The following VCPIP1 variants were observed in gnomAD, a reference collection of about 807,000 sequenced individuals.
VCPIP1 encodes deubiquitinating protein VCPIP1.
In VCPIP1, 8 loss-of-function variants were observed where a neutral mutation model predicts 85.0. The observed-to-expected ratio is 0.09, with a 90% CI of 0.06 to 0.17. The LOEUF (loss-of-function observed/expected upper bound fraction) is 0.17, where lower values mean the gene tolerates loss of function less well. Ranked by LOEUF, VCPIP1 falls within the 10% of genes least tolerant of loss-of-function variation. VCPIP1 has a pLI of 1.00. For missense variants in VCPIP1, 1,070 were observed against 1,486.3 expected (o/e 0.72, Z 4.61); for synonymous variants, 543 against 544.5 (o/e 1.00, Z 0.04).
rs139701227 is a variant in VCPIP1 at position 66,641,041 on chromosome 8, G to A, written c.2798-5669C>T. ...GCCCTCTGGGGCCCTGGGGGCCACA[G>A]GTACCCCCCTAGATGCTGCTGCAGG... On this transcript the variant is annotated intron_variant, in intron 2 of 2. Coordinates refer to ENST00000310421, the MANE Select transcript of VCPIP1 (RefSeq NM_025054.5). Among the ~76,000 whole-genome samples the A allele has an allele frequency of 2.7e-3, 415 of 152,344 alleles. 1 individual carries two copies. The highest frequency in any genetic ancestry group is 4.4e-3 in the Non-Finnish European group (296 of 68,028).
In VCPIP1 at chr8:66,666,738, C is replaced by T; in HGVS notation, c.221G>A (p.Gly74Asp). Residue 74 changes from glycine to aspartate, a missense_variant, in exon 1 of 3, where the codon GGC becomes GAC. By Grantham distance (94) the Gly-to-Asp change is moderately conservative (BLOSUM62 -1). This residue lies in a region of VCPIP1 where 164 missense variants were observed against 158.6 expected (regional missense o/e 1.03). Transcript: ENST00000310421. This position sits in a 1 kb window ranked among gnomAD's most constrained non-coding sequence, Gnocchi z 6.3. Reference sequence around the variant, plus strand: ...CAGCTGTTGCTGCTCGTGCCGCTGGCCGCACTCGGTACACTCGATGCTGAC... The same window carrying T: ...CAGCTGTTGCTGCTCGTGCCGCTGGTCGCACTCGGTACACTCGATGCTGAC... ...GSVSIECTECGQRHEQQQLLG... is the reference protein window; with the variant it reads ...GSVSIECTECDQRHEQQQLLG... 6.2e-7 allele frequency: 1 copy of T among 1,614,030 alleles called. No homozygotes were observed. The highest frequency in any genetic ancestry group is 2.2e-5 in the East Asian group (1 of 44,860).
Position 66,637,530 on chromosome 8 carries a change from T to G in VCPIP1, c.2798-2158A>C, listed in dbSNP as rs187818840. Among the ~76,000 whole-genome samples, 3 of 146,566 alleles carry G rather than the reference T, an allele frequency of 2.0e-5. No individual in the cohort carries two copies. The Admixed American group carries it at 2.1e-4, about 10-fold the overall frequency. ...TATACTTTAAATACAACACAAATAC[T>G]GTTGTGATACTTCTAAGCATAATTG... On this transcript the variant is annotated intron_variant, in intron 2 of 2. Coordinates refer to ENST00000310421, the MANE Select transcript of VCPIP1 (RefSeq NM_025054.5).
rs766485385 is a variant in VCPIP1 at position 66,628,730 on chromosome 8, A to T, written c.*5771T>A. On this transcript the variant is annotated 3_prime_UTR_variant, in exon 3 of 3. Transcript: ENST00000310421. ...TGGGATAACTGTAGCCAACACCTAA[A>T]GGAAAGGTAATTATGTTTTAGTTTA... The T allele has an allele frequency of 6.6e-6, 1 of 152,262 alleles. No individual in the cohort carries two copies. Among genetic ancestry groups the T allele is most frequent in the South Asian group, 2.1e-4 (1 of 4,838 alleles). The allele number at this position is 152,262 out of a possible 1,614,324, so 9.4% of individuals were successfully genotyped here.
intron 2 of VCPIP1, among the ~76,000 whole-genome samples, chr8:66,638,727 C>T (rs1296088230): frequency 2.0e-5 from 3 of 151,122 alleles, no homozygotes; most frequent in African/African-American, 4.9e-5. Flanking sequence ...TGCAGTGAGC[C>T]GAGATCACGC....
In VCPIP1 at chr8:66,667,230, A is replaced by G. The variant is rs951401263; in HGVS notation, c.-272T>C. On this transcript the variant is annotated 5_prime_UTR_variant, in exon 1 of 3. Coordinates refer to ENST00000310421, the MANE Select transcript of VCPIP1 (RefSeq NM_025054.5). ...CACTCTCGCTCTCTCTCCCTCAGAC[A>G]CAGACATACACGCCCTCATTGAGTG... The G allele has an allele frequency of 1.1e-5, 6 of 558,820 alleles. No individual in the cohort carries two copies. The highest frequency in any genetic ancestry group is 3.8e-5 in the African/African-American group (2 of 52,816). The allele number at this position is 558,820 out of a possible 1,614,324, so 34.6% of individuals were successfully genotyped here. A position where few individuals can be genotyped will look rare whatever the true frequency, so the allele number is the denominator to read the frequency against.
chr8:66,647,847 T>C (rs1323269936), intron 2 of VCPIP1, among the ~76,000 whole-genome samples: 1 of 152,136 alleles, frequency 6.6e-6, no homozygotes, highest in African/African-American at 2.4e-5. Flanking sequence ...AACCTAAATA[T>C]AAAACCTAAA....
intron 1 of VCPIP1, among the ~76,000 whole-genome samples, chr8:66,660,982 G>A (rs755800786): frequency 6.6e-5 from 10 of 152,018 alleles, no homozygotes; most frequent in Non-Finnish European, 1.3e-4. Flanking sequence ...GGCAGAGGTT[G>A]CAGTGAGCCG....
intron 1 of VCPIP1, among the ~76,000 whole-genome samples, chr8:66,652,010 CAAAAA>C (rs113576250): frequency 1.4e-5 from 1 of 73,550 alleles, no homozygotes; most frequent in Non-Finnish European, 3.1e-5. Context: ...TCTATCTCTA[CAAAAA>C]AAAAAAAAAA....
At chr8:66,643,111 T>C (rs1338863882) in intron 2 of VCPIP1, among the ~76,000 whole-genome samples, 1 of 151,148 alleles carries the variant, frequency 6.6e-6, no homozygotes, top group Non-Finnish European at 1.5e-5. Flanking sequence ...TCACCTGAGG[T>C]CAGGAGTTCT....
chr8:66,658,226 C>A (rs990818805), intron 1 of VCPIP1, among the ~76,000 whole-genome samples: 2 of 151,008 alleles, frequency 1.3e-5, no homozygotes, highest in Admixed American at 1.3e-4. Flanking sequence ...TCCAGCTACT[C>A]GGGAGGCTGA....
At chr8:66,644,300 T>C (rs2130157573) in intron 2 of VCPIP1, among the ~76,000 whole-genome samples, 1 of 152,306 alleles carries the variant, frequency 6.6e-6, no homozygotes, top group African/African-American at 2.4e-5. Context: ...ACTAGATAAT[T>C]ATCCTTCCTG....
chr8:66,656,951 C>G (rs1194024210), intron 1 of VCPIP1, among the ~76,000 whole-genome samples: 7 of 151,890 alleles, frequency 4.6e-5, no homozygotes, highest in African/African-American at 2.4e-5. Flanking sequence ...TGTCCCCCAG[C>G]CTGAAGTGCA....
chr8:66,656,067 AAT>A (rs1359981906), intron 1 of VCPIP1, among the ~76,000 whole-genome samples: 1 of 152,086 alleles, frequency 6.6e-6, no homozygotes, highest in Non-Finnish European at 1.5e-5. Flanking sequence ...AATTGTTTAA[AAT>A]ATGTTAAAAT....
chr8:66,654,195 TCA>T (rs1811078520), intron 1 of VCPIP1, among the ~76,000 whole-genome samples: 1 of 152,166 alleles, frequency 6.6e-6, no homozygotes, highest in African/African-American at 2.4e-5. Flanking sequence ...CTACTGAAGG[TCA>T]AATTGGCCAG....
chr8:66,665,660 A>G lies in VCPIP1; in HGVS notation c.1299T>C (p.Ala433=). 6.2e-7 allele frequency: 1 copy of G among 1,614,222 alleles called. No individual in the cohort carries two copies. The highest frequency in any genetic ancestry group is 1.6e-4 in the Middle Eastern group (1 of 6,062). The change falls in exon 1 of 3, where the codon GCT becomes GCC. Residue 433 remains alanine, a synonymous_variant. Transcript: ENST00000310421. The surrounding 1 kb of genome is among the most constrained non-coding windows in gnomAD (Gnocchi z 4.3). ...TTCTGTAGAAATACTGATGGACATCAGCAACCAAACTAGGATGGATACCAT... is the reference window on the plus strand; with the variant it reads ...TTCTGTAGAAATACTGATGGACATCGGCAACCAAACTAGGATGGATACCAT... ...DKHGIHPSLV[A]DVHQYFYRRT...
At position 66,633,148 on chromosome 8, in the gene VCPIP1, A is replaced by C. The variant is rs2130140031; in HGVS notation, c.*1353T>G. 1 of 152,670 alleles carries C rather than the reference A, an allele frequency of 6.6e-6. No individual in the cohort carries two copies. Among genetic ancestry groups the C allele is most frequent in the African/African-American group, 2.4e-5 (1 of 41,574 alleles). The allele number at this position is 152,670 out of a possible 1,614,324, so 9.5% of individuals were successfully genotyped here. On this transcript the variant is annotated 3_prime_UTR_variant, in exon 3 of 3. Coordinates refer to ENST00000310421, the MANE Select transcript of VCPIP1 (RefSeq NM_025054.5). The stretch of plus-strand genomic sequence containing the variant: ...GCAGAGATTTTTAAACATCTGATAA[A>C]ATACTTTCTGACATACATTTTCTTA...
At chr8:66,635,898 A>G (rs1383830488) in intron 2 of VCPIP1, among the ~76,000 whole-genome samples, 1 of 138,084 alleles carries the variant, frequency 7.2e-6, no homozygotes, top group Non-Finnish European at 1.5e-5. Flanking sequence ...GGACAATAAG[A>G]GTGAAACTCT....
Position 66,631,951 on chromosome 8 carries a change from T to C in VCPIP1, c.*2550A>G, listed in dbSNP as rs1810837782. 1 of 152,396 alleles carries C rather than the reference T, an allele frequency of 6.6e-6. No individual in the cohort carries two copies. The highest frequency in any genetic ancestry group is 2.1e-4 in the South Asian group (1 of 4,830). The allele number at this position is 152,396 out of a possible 1,614,324, so 9.4% of individuals were successfully genotyped here. The stretch of plus-strand genomic sequence containing the variant: ...GGTCATCAACTTAAATTTGGTATGA[T>C]TAACTATAAAATGGATTACTGAAGA... On this transcript the variant is annotated 3_prime_UTR_variant, in exon 3 of 3. Transcript: ENST00000310421.
In VCPIP1 at chr8:66,635,340, G is replaced by A; in HGVS notation, c.2830C>T (p.His944Tyr). ...TAGACAAAGGTTTTGCCAGGCAGAT[G>A]TGGAAAAGTACAATGCTTGCCATCA... Reference protein sequence around the residue: ...MADGKHCTFPHLPGKTFVYNA... With the variant: ...MADGKHCTFPYLPGKTFVYNA... The change falls in exon 3 of 3, where the codon CAT becomes TAT. Residue 944 changes from histidine to tyrosine, a missense_variant. His to Tyr is a moderately conservative substitution (Grantham distance 83). Transcript: ENST00000310421. The A allele has an allele frequency of 1.9e-6, 3 of 1,613,730 alleles. No homozygotes were observed. The highest frequency in any genetic ancestry group is 2.5e-6 in the Non-Finnish European group (3 of 1,179,982).
Sources: gnomAD v4.1 joint callset for allele counts (sites outside exome capture counted in the v4.1 genomes callset) on GRCh38, gnomAD v4.1.1 for gene constraint, gnomAD v4.1.1 regional missense constraint, Gnocchi (gnomAD v3.1) non-coding constraint, MANE v1.5 for transcripts, NCBI Gene and HGNC (gene_info 2026-07-23, HGNC 2026-07-21) for gene names.